MAP9: variants seen among roughly 807,000 people sequenced by gnomAD.
MAP9 encodes microtubule-associated protein 9.
Under a neutral mutation model 75.2 loss-of-function variants are expected in MAP9, and 80 were observed. The ratio of observed to expected loss-of-function variants is 1.06; its 90% CI spans 0.89 to 1.28. MAP9 has a LOEUF of 1.28. MAP9 is among the 50% of genes most tolerant of loss of function. The pLI is 0.00. For missense variants in MAP9, 753 were observed against 719.9 expected (o/e 1.05, Z -0.53); for synonymous variants, 235 against 237.3 (o/e 0.99, Z 0.09).
At chr4:155,357,379 G>T in intron 8 of MAP9, 70 bp downstream of exon 8, 1 of 975,816 alleles carries the variant, frequency 1.0e-6, no homozygotes. Context: ...TTTACTTTAT[G>T]AAAGTTAAAT....
intron 2 of MAP9, among the ~76,000 whole-genome samples, 171 bp downstream of exon 2, chr4:155,375,605 T>C (rs1050676747): frequency 1.3e-5 from 2 of 152,156 alleles, no homozygotes; most frequent in African/African-American, 2.4e-5. Context: ...CTTAAAACCA[T>C]ATAGGGGAGT....
chr4:155,373,509 G>A, intron 3 of MAP9, 53 bp from the exon 4 acceptor site: 2 of 1,230,196 alleles, frequency 1.6e-6, no homozygotes, highest in Non-Finnish European at 2.2e-6. Flanking sequence ...AAATTGTCAA[G>A]GTTACGTTAA....
intron 6 of MAP9, chr4:155,361,103 T>C (rs1022108547): frequency 1.3e-5 from 2 of 152,096 alleles, no homozygotes; most frequent in African/African-American, 4.8e-5. Flanking sequence ...CTTTCAGTTC[T>C]ACCAACGTCC....
At chr4:155,366,476 T>C (rs1439895090) in intron 5 of MAP9, among the ~76,000 whole-genome samples, 1 of 152,242 alleles carries the variant, frequency 6.6e-6, no homozygotes, top group African/African-American at 2.4e-5. Context: ...TTGCGGTTTT[T>C]GTCATTGAAA....
rs756439183 is a variant in MAP9, at chr4:155,355,744, G to C, written c.1262C>G (p.Ala421Gly). The change falls in exon 9 of 14, where the codon GCA (alanine) becomes GGA (glycine). Residue 421 changes from alanine (A) to glycine (G), a missense_variant. Transcript: ENST00000311277. ...SQKQSIEPDR[A>G]DNIRAAVYQE... ...ATAAACAGCTGCCCTTATGTTATCT[G>C]CTCTATCAGGTTCTATGCTCTGTTT... 28 of 1,612,646 alleles carry C rather than the reference G, an allele frequency of 1.7e-5. No individual in the cohort carries two copies. The highest frequency in any genetic ancestry group is 8.4e-5 in the Admixed American group (5 of 59,728).
chr4:155,343,369 G>A lies in MAP9; in HGVS notation c.*4414C>T, dbSNP rs998732911. The stretch of plus-strand genomic sequence containing the variant: ...CACTAGAAACTAATTAACAGGAAGA[G>A]TACAAAATAATATGTTAGTTATAAC... On this transcript the variant is annotated 3_prime_UTR_variant, in exon 14 of 14. Coordinates refer to ENST00000311277, the MANE Select transcript of MAP9 (RefSeq NM_001039580.2). The A allele has an allele frequency of 6.6e-6, 1 of 151,618 alleles. No individual in the cohort carries two copies. The highest frequency in any genetic ancestry group is 1.5e-5 in the Non-Finnish European group (1 of 67,764). The allele number at this position is 151,618 out of a possible 1,614,324, so 9.4% of individuals were successfully genotyped here. A position where few individuals can be genotyped will look rare whatever the true frequency, so the allele number is the denominator to read the frequency against.
Position 155,360,230 on chromosome 4 carries a change from C to G in MAP9, c.988G>C (p.Asp330His), listed in dbSNP as rs577426411. The stretch of plus-strand genomic sequence containing the variant: ...CTCTGAGATTTAGATAGTAGTGGAT[C>G]AACTGTTCTGTCATCATCCATAATC... ...ELIMDDDRTVDPLLSKSQSIL... is the reference protein window; with the variant it reads ...ELIMDDDRTVHPLLSKSQSIL... Residue 330 changes from aspartate (D) to histidine (H), a missense_variant, in exon 7 of 14, where the codon GAT (aspartate) becomes CAT (histidine). Asp to His is a moderately conservative substitution (Grantham distance 81). Transcript: ENST00000311277. 1.2e-6 allele frequency: 2 copies of G among 1,612,648 alleles called. No homozygotes were observed. Among genetic ancestry groups the G allele is most frequent in the Admixed American group, 3.3e-5 (2 of 59,936 alleles).
chr4:155,373,427 C>A lies in MAP9; in HGVS notation c.190G>T (p.Ala64Ser). 6.4e-7 allele frequency: 1 copy of A among 1,564,982 alleles called. No individual in the cohort carries two copies. The change falls in exon 4 of 14, where the codon GCA becomes TCA. Residue 64 changes from alanine to serine, a missense_variant. Coordinates refer to ENST00000311277, the MANE Select transcript of MAP9 (RefSeq NM_001039580.2). Reference protein sequence around the residue: ...VSLGDFSDTSADENSVNKKMN... With the variant: ...VSLGDFSDTSSDENSVNKKMN... Reference sequence around the variant, plus strand: ...TTTTTATTAACTGAATTTTCATCTGCTGAAGTGTCAGAAAAATCACCTAAA... The same window carrying A: ...TTTTTATTAACTGAATTTTCATCTGATGAAGTGTCAGAAAAATCACCTAAA...
At chr4:155,369,477 AAAAAC>A (rs75778275) in intron 4 of MAP9, among the ~76,000 whole-genome samples, 53,456 of 151,422 alleles carry the variant, frequency 0.35, 13,318 homozygotes, top group African/African-American at 0.72. Flanking sequence ...TTAAAAATAA[AAAAAC>A]AAAACAAAAT....
At chr4:155,361,001 G>A (rs17377610) in intron 6 of MAP9, 41,487 of 151,924 alleles carry the variant, frequency 0.27, 6,065 homozygotes, top group Non-Finnish European at 0.32. Context: ...CAAGAAACAG[G>A]CTCAAGCTCT....
At position 155,374,987 on chromosome 4, in the gene MAP9, G is replaced by A. The variant is rs866831709; in HGVS notation, c.110C>T (p.Ala37Val). 13 of 1,588,246 alleles carry A rather than the reference G, an allele frequency of 8.2e-6. No homozygotes were observed. Among genetic ancestry groups the A allele is most frequent in the South Asian group, 1.1e-5 (1 of 88,834 alleles). The change falls in exon 3 of 14, where the codon GCC (alanine) becomes GTC (valine). Residue 37 changes from alanine to valine, a missense_variant. Coordinates refer to ENST00000311277, the MANE Select transcript of MAP9 (RefSeq NM_001039580.2). ...ELIRAITARS[A>V]RQRSSEYSDD... ...TGAGTATTCAGAACTCCTTTGTCTG[G>A]CTGAGCGAGCTGTAATTGCTCTTAT... is the stretch of plus-strand genomic sequence containing the variant.
intron 3 of MAP9, 23 bp from the exon 4 acceptor site, chr4:155,373,479 GT>G (rs776524721): frequency 0.01 from 13,660 of 1,314,376 alleles, 92 homozygotes; most frequent in Non-Finnish European, 0.012. Context: ...AAAGAAAAAT[GT>G]TTTCAACAGT....
rs941255508 is a variant in MAP9, at chr4:155,344,950, C to T, written c.*2833G>A. ...TAAGTGATCAACGCAATTTATAAAA[C>T]CGGAACTTTTATATGAAAGTCTATA... On this transcript the variant is annotated 3_prime_UTR_variant, in exon 14 of 14. Coordinates refer to ENST00000311277, the MANE Select transcript of MAP9 (RefSeq NM_001039580.2). 4.0e-5 allele frequency: 6 copies of T among 151,788 alleles called. No homozygotes were observed. The highest frequency in any genetic ancestry group is 8.8e-5 in the Non-Finnish European group (6 of 67,844). The allele number at this position is 151,788 out of a possible 1,614,324, so 9.4% of individuals were successfully genotyped here.
chr4:155,352,813 T>C (rs1448725606), intron 12 of MAP9, 85 bp from the exon 13 acceptor site: 3 of 1,418,610 alleles, frequency 2.1e-6, no homozygotes, highest in South Asian at 1.4e-5. Context: ...AGTAATGAAA[T>C]TGAAATGCAT....
chr4:155,355,385 T>G (rs1208920641), intron 9 of MAP9, among the ~76,000 whole-genome samples: 1 of 152,146 alleles, frequency 6.6e-6, no homozygotes, highest in Non-Finnish European at 1.5e-5. Context: ...TTAATAACTT[T>G]TTGTTCATAA....
At chr4:155,357,573 G>T in intron 7 of MAP9, 54 bp from the exon 8 acceptor site, 1 of 1,080,218 alleles carries the variant, frequency 9.3e-7, no homozygotes, top group Non-Finnish European at 1.4e-6. Flanking sequence ...ATCCTTTTTA[G>T]GCTTAGAAGC....
intron 5 of MAP9, chr4:155,362,482 A>G (rs1004359993): frequency 5.8e-6 from 1 of 171,132 alleles, no homozygotes; most frequent in African/African-American, 2.4e-5. Context: ...TTTGATTTTG[A>G]TAGCTCTTCC....
intron 4 of MAP9, among the ~76,000 whole-genome samples, chr4:155,370,826 AAAATG>A (rs1166452072): frequency 6.6e-6 from 1 of 152,248 alleles, no homozygotes; most frequent in African/African-American, 2.4e-5. Flanking sequence ...GCTAAATAAT[AAAATG>A]AATAATCAGA....
chr4:155,375,896 A>AG lies in MAP9; in HGVS notation c.-47_-46insC. 1 of 1,289,068 alleles carries AG rather than the reference A, an allele frequency of 7.8e-7. No individual in the cohort carries two copies. Among genetic ancestry groups the AG allele is most frequent in the Non-Finnish European group, 1.1e-6 (1 of 899,252 alleles). 79.9% of individuals were successfully genotyped at this position (1,289,068 alleles called of 1,614,324 possible). ...CTTTATAAAATAGCTAATTATTAGAATTCAACTTCTGATAGTAGCTGAAAT... is the reference window on the plus strand; with the variant it reads ...CTTTATAAAATAGCTAATTATTAGAAGTTCAACTTCTGATAGTAGCTGAAAT... On this transcript the variant is annotated 5_prime_UTR_variant, in exon 2 of 14. Transcript: ENST00000311277.
Sources: allele counts gnomAD v4.1 joint callset (sites outside exome capture counted in the v4.1 genomes callset), GRCh38; gene constraint gnomAD v4.1.1; transcripts MANE v1.5; gene names NCBI Gene and HGNC (gene_info 2026-07-23, HGNC 2026-07-21).